Variants in DNMBP observed in about 807,000 individuals in gnomAD.
DNMBP encodes dynamin-binding protein.
A neutral mutation model predicts 150.0 loss-of-function variants in DNMBP; 87 were observed. That is an observed-to-expected ratio of 0.58 (90% CI 0.49 to 0.69). DNMBP has a LOEUF of 0.69. DNMBP is among the 30% of genes least tolerant of loss of function. DNMBP has a pLI of 0.00. For synonymous variants in DNMBP, 711 were observed against 750.4 expected, an observed-to-expected ratio of 0.95 and a Z score of 0.86; for missense variants, 1,774 against 1,949.0, an observed-to-expected ratio of 0.91 and a Z score of 1.69.
At chr10:99,940,905 G>A (rs1031285757) in intron 4 of DNMBP, among the ~76,000 whole-genome samples, 5 of 151,950 alleles carry the variant, frequency 3.3e-5, no homozygotes, top group African/African-American at 1.2e-4. Context: ...CTTTTTTTGA[G>A]ACAGAGTCTA....
chr10:99,967,807 T>C (rs1252742679), intron 3 of DNMBP, among the ~76,000 whole-genome samples: 7 of 152,090 alleles, frequency 4.6e-5, no homozygotes. Flanking sequence ...ACTGTTTTGA[T>C]GACTGAGTCA....
At chr10:99,890,282 C>A (rs2039537037) in intron 11 of DNMBP, among the ~76,000 whole-genome samples, 1 of 152,152 alleles carries the variant, frequency 6.6e-6, no homozygotes, top group Non-Finnish European at 1.5e-5. Context: ...CAGCCAATGG[C>A]CCTCAGCTTA....
intron 7 of DNMBP, among the ~76,000 whole-genome samples, chr10:99,899,182 C>CT (rs200809143): frequency 0.011 from 1,674 of 151,814 alleles, 28 homozygotes; most frequent in African/African-American, 0.039. Flanking sequence ...GAGTGAGACT[C>CT]TGTCTCTCCA....
At chr10:99,893,764 A>G (rs2039611696) in intron 11 of DNMBP, among the ~76,000 whole-genome samples, 1 of 152,096 alleles carries the variant, frequency 6.6e-6, no homozygotes, top group South Asian at 2.1e-4. Context: ...GTATGGCTAC[A>G]TCACTTCTGA....
chr10:99,878,515 T>C (rs953868356), intron 16 of DNMBP, among the ~76,000 whole-genome samples: 1 of 152,134 alleles, frequency 6.6e-6, no homozygotes, highest in Non-Finnish European at 1.5e-5. Context: ...AAGTAGGTAG[T>C]AAGAGAAATC....
chr10:99,899,860 C>A, intron 7 of DNMBP, 59 bp downstream of exon 7: 2 of 1,568,548 alleles, frequency 1.3e-6, no homozygotes, highest in Non-Finnish European at 1.8e-6. Flanking sequence ...GGCATATACA[C>A]AGGTATAACT....
chr10:99,883,013 C>T lies in DNMBP; in HGVS notation c.3997+998G>A, dbSNP rs149377462. 6.6e-3 allele frequency among the ~76,000 whole-genome samples: 997 copies of T among 151,830 alleles called. 12 individuals are homozygous for T. Among genetic ancestry groups the T allele is most frequent in the African/African-American group, 0.023 (953 of 41,410 alleles). ...AGTGAGCTGAGATCGTGCTGCTGCA[C>T]TCTAGCCTGGGTGACAGAGCTAGAC... On this transcript the variant is annotated intron_variant, in intron 15 of 16. Coordinates refer to ENST00000324109, the MANE Select transcript of DNMBP (RefSeq NM_015221.4).
intron 9 of DNMBP, 82 bp from the exon 10 acceptor site, chr10:99,896,479 G>C: frequency 7.3e-7 from 1 of 1,361,056 alleles, no homozygotes; most frequent in South Asian, 1.2e-5. Context: ...ACACCCAAAC[G>C]GGAGCTAGTC....
Position 99,891,664 on chromosome 10 carries a change from T to C in DNMBP, c.3157-2711A>G, listed in dbSNP as rs1235338480. Among the ~76,000 whole-genome samples, 13 of 144,762 alleles carry C rather than the reference T, an allele frequency of 9.0e-5. No individual in the cohort carries two copies. The South Asian group carries it at 2.7e-3, about 30-fold the overall frequency. 95.0% of individuals were successfully genotyped at this position (144,762 alleles called of 152,430 possible). A position where few individuals can be genotyped will look rare whatever the true frequency, so the allele number is the denominator to read the frequency against. On this transcript the variant is annotated intron_variant, in intron 11 of 16. Coordinates refer to ENST00000324109, the MANE Select transcript of DNMBP (RefSeq NM_015221.4). ...CTGGGATGTGAGGAGCCCCTCTGCCTGGCTGCCCAGTCTGGAAAGTGAGGA... is the reference window on the plus strand; with the variant it reads ...CTGGGATGTGAGGAGCCCCTCTGCCCGGCTGCCCAGTCTGGAAAGTGAGGA...
chr10:99,932,089 T>C lies in DNMBP; in HGVS notation c.2261-22943A>G, dbSNP rs117164525. The stretch of plus-strand genomic sequence containing the variant: ...TGGAAAGCAAAGAGTCATGAGGTTT[T>C]TGAGCAGGGGAAACACATGCTAAGA... On this transcript the variant is annotated intron_variant, in intron 4 of 16. Coordinates refer to ENST00000324109, the MANE Select transcript of DNMBP (RefSeq NM_015221.4). Among the ~76,000 whole-genome samples the C allele has an allele frequency of 7.9e-5, 12 of 152,340 alleles. No homozygotes were observed. In the East Asian group the frequency reaches 2.3e-3, roughly 29 times the overall value.
At chr10:99,970,166 C>T (rs952464348) in intron 2 of DNMBP, among the ~76,000 whole-genome samples, 2 of 152,152 alleles carry the variant, frequency 1.3e-5, no homozygotes, top group Non-Finnish European at 2.9e-5. Flanking sequence ...TTGCTAACTC[C>T]TTCTCATCAT....
chr10:99,876,970 G>GA lies in DNMBP; in HGVS notation c.*180dup. The GA allele has an allele frequency of 2.0e-6, 1 of 509,248 alleles. No individual in the cohort carries two copies. The highest frequency in any genetic ancestry group is 3.4e-6 in the Non-Finnish European group (1 of 293,478). The allele number at this position is 509,248 out of a possible 1,614,324, so 31.5% of individuals were successfully genotyped here. On this transcript the variant is annotated 3_prime_UTR_variant, in exon 17 of 17. Coordinates refer to ENST00000324109, the MANE Select transcript of DNMBP (RefSeq NM_015221.4). ...CATTTCAAATTCTAGAGATTCTAGT[G>GA]AGCATCAAGGTTTACAACCCAATCG... is the stretch of plus-strand genomic sequence containing the variant.
chr10:99,968,493 C>T (rs2040642761), intron 3 of DNMBP, among the ~76,000 whole-genome samples: 1 of 152,048 alleles, frequency 6.6e-6, no homozygotes, highest in Non-Finnish European at 1.5e-5. Context: ...TCGAGACCAG[C>T]CTGGGCAATA....
At chr10:99,927,083 T>C (rs1218177576) in intron 4 of DNMBP, 2 of 152,284 alleles carry the variant, frequency 1.3e-5, no homozygotes, top group Non-Finnish European at 2.9e-5. Flanking sequence ...GGGGGAAAAC[T>C]TGGCTTCCTG....
chr10:99,946,670 A>C (rs1445018446), intron 4 of DNMBP, among the ~76,000 whole-genome samples: 1 of 152,228 alleles, frequency 6.6e-6, no homozygotes, highest in Non-Finnish European at 1.5e-5. Context: ...AATAAAACCT[A>C]GTTAACACTC....
Position 99,883,913 on chromosome 10 carries a change from T to G in DNMBP, c.3997+98A>C. ...TATTTTTCCCCTTAATCAAAGATAC[T>G]TTTTGCTTTTTTTTCCTGGCCTAGT... is the stretch of plus-strand genomic sequence containing the variant. On this transcript the variant is annotated intron_variant, in intron 15 of 16. Coordinates refer to ENST00000324109, the MANE Select transcript of DNMBP (RefSeq NM_015221.4). The G allele has an allele frequency of 2.8e-6, 3 of 1,070,842 alleles. No homozygotes were observed. The South Asian group carries it at 4.4e-5, about 16-fold the overall frequency. The allele number at this position is 1,070,842 out of a possible 1,614,324, so 66.3% of individuals were successfully genotyped here.
At chr10:99,921,692 G>GAA (rs36012766) in intron 4 of DNMBP, among the ~76,000 whole-genome samples, 31 of 140,570 alleles carry the variant, frequency 2.2e-4, no homozygotes, top group African/African-American at 4.8e-4. Context: ...TGTCTCTACT[G>GAA]AAAAAAAAAA....
intron 3 of DNMBP, among the ~76,000 whole-genome samples, chr10:99,959,048 C>T (rs534738289): frequency 6.6e-6 from 1 of 152,302 alleles, no homozygotes; most frequent in East Asian, 1.9e-4. Context: ...GAAAACAACA[C>T]ATTGCAACAG....
chr10:99,909,398 T>C (rs367673804), intron 4 of DNMBP, among the ~76,000 whole-genome samples: 1 of 152,304 alleles, frequency 6.6e-6, no homozygotes, highest in African/African-American at 2.4e-5. Flanking sequence ...GCTAGCCCAC[T>C]TTGAGTGAAC....
Sources: gnomAD v4.1 joint callset for allele counts (sites outside exome capture counted in the v4.1 genomes callset) on GRCh38, gnomAD v4.1.1 for gene constraint, MANE v1.5 for transcripts, NCBI Gene and HGNC (gene_info 2026-07-23, HGNC 2026-07-21) for gene names.